Variants in BICRAL observed in about 807,000 individuals in gnomAD.
BICRAL encodes BRD4-interacting chromatin-remodeling complex-associated protein-like.
Under a neutral mutation model 91.8 loss-of-function variants are expected in BICRAL, and 8 were observed. The observed-to-expected ratio is 0.09, with a 90% confidence interval of 0.05 to 0.16. BICRAL has a LOEUF of 0.16. Ranked by LOEUF, BICRAL falls within the 10% of genes least tolerant of loss-of-function variation. The pLI, the probability that BICRAL is intolerant of heterozygous loss-of-function variation, is 1.00. For synonymous variants in BICRAL, 445 were observed against 491.1 expected, an observed-to-expected ratio of 0.91 and a Z score of 1.24; for missense variants, 1,038 against 1,310.9, an observed-to-expected ratio of 0.79 and a Z score of 3.21.
intron 2 of BICRAL, among the ~76,000 whole-genome samples, chr6:42,814,519 A>ATATTTTTTTT (rs1237976324): frequency 2.5e-5 from 2 of 80,236 alleles, no homozygotes; most frequent in Non-Finnish European, 4.2e-5. Context: ...ATATATATAT[A>ATATTTTTTTT]TTTTTTTTTT....
chr6:42,783,100 G>A (rs1762974354), intron 1 of BICRAL, among the ~76,000 whole-genome samples: 1 of 151,392 alleles, frequency 6.6e-6, no homozygotes, highest in Non-Finnish European at 1.5e-5. Flanking sequence ...GGTGCGGCGG[G>A]GAGAGCTCGG....
rs1161596399 is a variant in BICRAL at position 42,857,802 on chromosome 6, A to ATTTT, written c.2254+588_2254+591dup. Among the ~76,000 whole-genome samples the ATTTT allele has an allele frequency of 1.9e-3, 143 of 73,676 alleles. 8 individuals are homozygous for ATTTT. The highest frequency in any genetic ancestry group is 6.4e-3 in the African/African-American group (91 of 14,120). The allele number at this position is 73,676 out of a possible 152,430, so 48.3% of individuals were successfully genotyped here. On this transcript the variant is annotated intron_variant, in intron 10 of 12. Coordinates refer to ENST00000314073, the MANE Select transcript of BICRAL (RefSeq NM_001393499.1). The stretch of plus-strand genomic sequence containing the variant: ...CCTTTAGGCCATATGCATACCCTGA[A>ATTTT]TTTTTTTTTTTTTTTTTTTTTTTTT...
chr6:42,842,471 G>T (rs1299836316), intron 6 of BICRAL, among the ~76,000 whole-genome samples: 1 of 152,114 alleles, frequency 6.6e-6, no homozygotes, highest in Non-Finnish European at 1.5e-5. Flanking sequence ...GGCAGTCAGG[G>T]TTCTCTAGTC....
At chr6:42,800,308 C>G (rs1007063049) in intron 1 of BICRAL, among the ~76,000 whole-genome samples, 2 of 151,942 alleles carry the variant, frequency 1.3e-5, no homozygotes, top group African/African-American at 4.8e-5. Flanking sequence ...TGTGATCCAT[C>G]TGCCTCGGCC....
intron 1 of BICRAL, among the ~76,000 whole-genome samples, chr6:42,771,941 G>C (rs570243080): frequency 1.3e-5 from 2 of 152,322 alleles, no homozygotes; most frequent in Non-Finnish European, 2.9e-5. Flanking sequence ...ACTGTCACAA[G>C]ATATGCTGAT....
intron 2 of BICRAL, among the ~76,000 whole-genome samples, chr6:42,816,403 C>T (rs555961634): frequency 2.0e-5 from 3 of 151,784 alleles, no homozygotes; most frequent in African/African-American, 7.2e-5. Flanking sequence ...TTAAGGAAAG[C>T]GAGCCTTACT....
chr6:42,779,695 G>A (rs184351284), upstream of BICRAL, among the ~76,000 whole-genome samples: 1 of 152,320 alleles, frequency 6.6e-6, no homozygotes, highest in East Asian at 1.9e-4. Flanking sequence ...TTGAGACAGA[G>A]TCTTGCTCTG....
chr6:42,856,720 G>A (rs1299485204), intron 9 of BICRAL, among the ~76,000 whole-genome samples: 4 of 152,068 alleles, frequency 2.6e-5, no homozygotes, highest in African/African-American at 9.7e-5. Context: ...TTCTTAAGGA[G>A]AATAGTTCTT....
At chr6:42,762,172 T>C (rs1762561377) in intron 1 of BICRAL, among the ~76,000 whole-genome samples, 1 of 152,162 alleles carries the variant, frequency 6.6e-6, no homozygotes, top group South Asian at 2.1e-4. Flanking sequence ...GATTCCCTTA[T>C]GAATAGGTCT....
chr6:42,815,185 CTTT>C (rs869106375), intron 2 of BICRAL, among the ~76,000 whole-genome samples: 1 of 101,140 alleles, frequency 9.9e-6, no homozygotes, highest in African/African-American at 3.8e-5. Flanking sequence ...GTCAGAATAT[CTTT>C]TTTTTTTTTT....
chr6:42,856,035 T>C (rs1335810044), intron 9 of BICRAL, 118 bp downstream of exon 9: 7 of 871,396 alleles, frequency 8.0e-6, no homozygotes, highest in Non-Finnish European at 1.3e-5. Context: ...TTTTTAAAAA[T>C]GTACTTTGAG....
At chr6:42,848,712 C>T (rs941561626) in intron 6 of BICRAL, among the ~76,000 whole-genome samples, 3 of 152,054 alleles carry the variant, frequency 2.0e-5, no homozygotes, top group African/African-American at 7.2e-5. Context: ...GGCTTGGTGG[C>T]ACACACCTGT....
At chr6:42,787,109 C>A (rs1763123916) in intron 1 of BICRAL, among the ~76,000 whole-genome samples, 1 of 152,174 alleles carries the variant, frequency 6.6e-6, no homozygotes, top group Non-Finnish European at 1.5e-5. Flanking sequence ...CAATGAGATA[C>A]AGCAGAGTAG....
intron 9 of BICRAL, 109 bp from the exon 10 acceptor site, chr6:42,856,979 AAAC>A (rs1765378828): frequency 2.2e-6 from 2 of 889,030 alleles, no homozygotes; most frequent in African/African-American, 3.4e-5. Context: ...TAAAACTAAA[AAAC>A]TGCCGTATTA....
At chr6:42,753,912 A>G (rs55927053) in intron 1 of BICRAL, among the ~76,000 whole-genome samples, 1,345 of 106,902 alleles carry the variant, frequency 0.013, 26 homozygotes, top group African/African-American at 0.026. Context: ...ACACTTCATG[A>G]GAAGGCATGA....
intron 2 of BICRAL, among the ~76,000 whole-genome samples, 182 bp downstream of exon 2, chr6:42,810,583 C>T (rs891706141): frequency 3.9e-5 from 6 of 152,210 alleles, no homozygotes; most frequent in African/African-American, 1.4e-4. Flanking sequence ...ATTTGCCCTG[C>T]ATAAGTGGCT....
At chr6:42,766,476 T>A (rs1321433409) in intron 1 of BICRAL, among the ~76,000 whole-genome samples, 2 of 152,210 alleles carry the variant, frequency 1.3e-5, no homozygotes, top group African/African-American at 4.8e-5. Flanking sequence ...TCCACTCCCA[T>A]GCCATTCTCT....
intron 1 of BICRAL, among the ~76,000 whole-genome samples, chr6:42,784,363 T>C (rs976598333): frequency 1.3e-5 from 2 of 152,192 alleles, no homozygotes; most frequent in African/African-American, 2.4e-5. Flanking sequence ...TCTATAAAGC[T>C]CTGATCTCTC....
chr6:42,817,908 G>A (rs1274900197), intron 2 of BICRAL, among the ~76,000 whole-genome samples: 2 of 149,498 alleles, frequency 1.3e-5, no homozygotes, highest in Non-Finnish European at 3.0e-5. Flanking sequence ...AGGGGGTTAA[G>A]GATCTCTTGA....
Sources: gnomAD v4.1 joint callset for allele counts (sites outside exome capture counted in the v4.1 genomes callset) on GRCh38, gnomAD v4.1.1 for gene constraint, MANE v1.5 for transcripts, NCBI Gene and HGNC (gene_info 2026-07-23, HGNC 2026-07-21) for gene names.